The following SERINC1 variants were observed in gnomAD, a reference collection of about 807,000 sequenced individuals.
SERINC1 encodes tumor differentially expressed protein 2.
SERINC1 carries 38 observed loss-of-function variants against 52.9 expected under a neutral mutation model. The observed-to-expected ratio is 0.72, with a 90% confidence interval of 0.55 to 0.94. SERINC1 has a LOEUF of 0.94. Among genes scored for constraint, SERINC1 ranks in the 40% least tolerant of loss-of-function variants. The pLI, the probability that SERINC1 is intolerant of heterozygous loss-of-function variation, is 0.00. For synonymous variants in SERINC1, 198 were observed against 183.1 expected (o/e 1.08, Z -0.66); for missense variants, 471 against 533.9 (o/e 0.88, Z 1.16).
chr6:122,454,462 AC>A lies in SERINC1; in HGVS notation c.372-233del, dbSNP rs200228306. 3.3e-3 allele frequency: 1,432 copies of A among 438,650 alleles called. 18 individuals are homozygous for A. Among genetic ancestry groups the A allele is most frequent in the African/African-American group, 0.027 (1,288 of 47,764 alleles). 27.2% of individuals were successfully genotyped at this position (438,650 alleles called of 1,614,324 possible). Reference sequence around the variant, plus strand: ...AGAGTGAAATTAACCATTACCATGAACCCAAGCTTATATTATAGATCTTTCC... The same window carrying A: ...AGAGTGAAATTAACCATTACCATGAACCAAGCTTATATTATAGATCTTTCC... On this transcript the variant is annotated intron_variant, in intron 3 of 9. Coordinates refer to ENST00000339697, the MANE Select transcript of SERINC1 (RefSeq NM_020755.4).
At chr6:122,454,682 A>G (rs1290443386) in intron 3 of SERINC1, 1 of 154,952 alleles carries the variant, frequency 6.5e-6, no homozygotes, top group East Asian at 1.9e-4. Flanking sequence ...GACCCAAAAC[A>G]ACATTGTGGT....
rs1774706841 is a variant in SERINC1 at position 122,443,655 on chromosome 6, C to T, written c.*1389G>A. ...AACATCTTTTGAACTGTGTAGTATA[C>T]TATAAGCAGGAGTTTATTCTAAAAC... On this transcript the variant is annotated 3_prime_UTR_variant, in exon 10 of 10. Transcript: ENST00000339697. 6.6e-6 allele frequency: 1 copy of T among 152,158 alleles called. No individual in the cohort carries two copies. The highest frequency in any genetic ancestry group is 2.4e-5 in the African/African-American group (1 of 41,416). 9.4% of individuals were successfully genotyped at this position (152,158 alleles called of 1,614,324 possible).
Position 122,446,304 on chromosome 6 carries a change from T to C in SERINC1, c.1226+470A>G, listed in dbSNP as rs1774799406. 2.6e-5 allele frequency among the ~76,000 whole-genome samples: 4 copies of C among 152,166 alleles called. 1 individual carries two copies. In the South Asian group the frequency reaches 8.3e-4, roughly 32 times the overall value. ...TCTAAGCTTGTAGAATTTGTAGAAA[T>C]TGTTGCTTGTAGAAAGAATTCTAAG... On this transcript the variant is annotated intron_variant, in intron 9 of 9. Coordinates refer to ENST00000339697, the MANE Select transcript of SERINC1 (RefSeq NM_020755.4).
intron 2 of SERINC1, among the ~76,000 whole-genome samples, 175 bp downstream of exon 2, chr6:122,458,345 G>T (rs539691699): frequency 6.6e-6 from 1 of 152,092 alleles, no homozygotes; most frequent in East Asian, 1.9e-4. Flanking sequence ...CACCATCATA[G>T]AACTTAACAA....
At position 122,444,826 on chromosome 6, in the gene SERINC1, A is replaced by G; in HGVS notation, c.*218T>C. ...TAATGGCCACTTTTACTAACTCATCACCATATTCATAAAACTTTCCTCTGC... is the reference window on the plus strand; with the variant it reads ...TAATGGCCACTTTTACTAACTCATCGCCATATTCATAAAACTTTCCTCTGC... On this transcript the variant is annotated 3_prime_UTR_variant, in exon 10 of 10. Coordinates refer to ENST00000339697, the MANE Select transcript of SERINC1 (RefSeq NM_020755.4). 1 of 525,076 alleles carries G rather than the reference A, an allele frequency of 1.9e-6. No homozygotes were observed. The highest frequency in any genetic ancestry group is 3.3e-6 in the Non-Finnish European group (1 of 298,936). The allele number at this position is 525,076 out of a possible 1,614,324, so 32.5% of individuals were successfully genotyped here.
chr6:122,448,488 T>C (rs1322751842), intron 7 of SERINC1, among the ~76,000 whole-genome samples: 1 of 151,636 alleles, frequency 6.6e-6, no homozygotes, highest in African/African-American at 2.4e-5. Flanking sequence ...ATAATTTTTG[T>C]CTATTCTAAT....
Position 122,454,196 on chromosome 6 carries a change from T to C in SERINC1, c.406A>G (p.Ile136Val), listed in dbSNP as rs767151684. The C allele has an allele frequency of 6.9e-6, 11 of 1,588,478 alleles. No homozygotes were observed. The highest frequency in any genetic ancestry group is 2.3e-5 in the East Asian group (1 of 44,126). ...WFFKFAAAIAIIIGAFFIPEG... is the reference protein window; with the variant it reads ...WFFKFAAAIAVIIGAFFIPEG... The stretch of plus-strand genomic sequence containing the variant: ...GGAATGAAGAATGCCCCAATAATAA[T>C]TGCAATTGCTGCAGCAAATTTAAAG... Residue 136 changes from isoleucine (I) to valine (V), a missense_variant, in exon 4 of 10, where the codon ATT becomes GTT. Transcript: ENST00000339697.
intron 7 of SERINC1, among the ~76,000 whole-genome samples, chr6:122,449,632 C>G (rs1228020332): frequency 1.3e-5 from 2 of 152,150 alleles, no homozygotes; most frequent in Middle Eastern, 3.2e-3. Context: ...GAAACTGTCT[C>G]CGTAACATAA....
At chr6:122,455,347 T>C (rs1232671178) in intron 3 of SERINC1, among the ~76,000 whole-genome samples, 4 of 151,928 alleles carry the variant, frequency 2.6e-5, no homozygotes, top group Non-Finnish European at 5.9e-5. Flanking sequence ...ACCCTTAATC[T>C]GGGTGGGCAC....
chr6:122,453,684 A>T, intron 5 of SERINC1, 86 bp downstream of exon 5: 1 of 1,136,186 alleles, frequency 8.8e-7, no homozygotes. Context: ...AGACCATAAA[A>T]ATCCTAAGTG....
At chr6:122,448,270 T>C (rs1774842151) in intron 7 of SERINC1, among the ~76,000 whole-genome samples, 1 of 152,050 alleles carries the variant, frequency 6.6e-6, no homozygotes, top group Non-Finnish European at 1.5e-5. Context: ...TAAAGCAAAC[T>C]ACTAATAATT....
chr6:122,456,442 T>C, intron 3 of SERINC1, 39 bp downstream of exon 3: 1 of 1,313,058 alleles, frequency 7.6e-7, no homozygotes, highest in Non-Finnish European at 1.0e-6. Flanking sequence ...AAGAAGAGGC[T>C]ACCCAAGCTT....
At chr6:122,470,052 CAATAA>C (rs1412271563) in intron 1 of SERINC1, among the ~76,000 whole-genome samples, 3 of 152,112 alleles carry the variant, frequency 2.0e-5, no homozygotes, top group Non-Finnish European at 4.4e-5. Flanking sequence ...AAACTGCAAA[CAATAA>C]AATAAATTCC....
chr6:122,445,153 CTT>C lies in SERINC1; in HGVS notation c.1251_1252del (p.Gln419ValfsTer32), dbSNP rs1186781089. The C allele has an allele frequency of 5.6e-6, 9 of 1,613,954 alleles. No individual in the cohort carries two copies. Among genetic ancestry groups the C allele is most frequent in the Non-Finnish European group, 7.6e-6 (9 of 1,179,988 alleles). On this transcript the variant is annotated frameshift_variant, in exon 10 of 10. Coordinates refer to ENST00000339697, the MANE Select transcript of SERINC1 (RefSeq NM_020755.4). LOFTEE classifies it high-confidence loss of function. ...TTTCACCCAGACAGCTGTCCACTGACTTTTCATCTCACGAGAGGGTTCATACC... is the reference window on the plus strand; with the variant it reads ...TTTCACCCAGACAGCTGTCCACTGACTTCATCTCACGAGAGGGTTCATACC...
At chr6:122,454,031 G>C (rs1026742875) in intron 4 of SERINC1, 120 bp downstream of exon 4, 20 of 1,196,766 alleles carry the variant, frequency 1.7e-5, no homozygotes, top group Non-Finnish European at 2.3e-5. Flanking sequence ...TTGCCAACTG[G>C]GGAAACACAC....
At chr6:122,464,210 A>G (rs1428950026) in intron 1 of SERINC1, among the ~76,000 whole-genome samples, 2 of 152,206 alleles carry the variant, frequency 1.3e-5, no homozygotes, top group Non-Finnish European at 1.5e-5. Flanking sequence ...TGCATTTGTC[A>G]AAACTCATGG....
chr6:122,447,527 T>C (rs991211860), intron 7 of SERINC1, among the ~76,000 whole-genome samples: 3 of 152,216 alleles, frequency 2.0e-5, no homozygotes, highest in African/African-American at 4.8e-5. Context: ...GAGAGATAAT[T>C]ACCTCTACAA....
intron 1 of SERINC1, among the ~76,000 whole-genome samples, chr6:122,467,799 T>C (rs76841557): frequency 0.013 from 2,030 of 152,298 alleles, 41 homozygotes; most frequent in African/African-American, 0.045. Context: ...CAAAATTATT[T>C]AGTATTATGG....
At chr6:122,453,746 AGTT>A (rs762137599) in intron 5 of SERINC1, 21 bp downstream of exon 5, 100 of 1,576,886 alleles carry the variant, frequency 6.3e-5, no homozygotes, top group Non-Finnish European at 8.3e-5. Context: ...ACTATACTGA[AGTT>A]GTTCTGCGAC....
Sources: gnomAD v4.1 joint callset for allele counts (sites outside exome capture counted in the v4.1 genomes callset) on GRCh38, gnomAD v4.1.1 for gene constraint, MANE v1.5 for transcripts, NCBI Gene and HGNC (gene_info 2026-07-23, HGNC 2026-07-21) for gene names.